KAZN: variants seen among roughly 807,000 people sequenced by gnomAD.
The protein encoded by KAZN is kazrin, periplakin interacting protein, also known as kazrin.
A neutral mutation model predicts 87.4 loss-of-function variants in KAZN; 40 were observed. The observed-to-expected ratio is 0.46, with a 90% CI of 0.36 to 0.60. The LOEUF (loss-of-function observed/expected upper bound fraction) is 0.60, where lower values mean the gene tolerates loss of function less well. KAZN is among the 20% of genes least tolerant of loss of function. KAZN has a pLI of 0.00. For missense variants in KAZN, 898 were observed against 1,073.9 expected, an observed-to-expected ratio of 0.84 and a Z score of 2.29; for synonymous variants, 466 against 458.3, an observed-to-expected ratio of 1.02 and a Z score of -0.22.
chr1:14,713,405 T>G (rs1026709306), intron 1 of KAZN, among the ~76,000 whole-genome samples: 2 of 152,168 alleles, frequency 1.3e-5, no homozygotes, highest in African/African-American at 4.8e-5. Flanking sequence ...ATCATTTCAG[T>G]GCTGATCACT....
intron 2 of KAZN, among the ~76,000 whole-genome samples, chr1:14,971,681 C>CTTTTTTT (rs1009399616): frequency 9.7e-4 from 102 of 104,800 alleles, no homozygotes; most frequent in Non-Finnish European, 1.4e-3. Flanking sequence ...TTTTCTTTTT[C>CTTTTTTT]TTTTTTTTTT....
At chr1:14,814,623 C>G (rs540247192) in intron 1 of KAZN, among the ~76,000 whole-genome samples, 1 of 152,324 alleles carries the variant, frequency 6.6e-6, no homozygotes, top group African/African-American at 2.4e-5. Context: ...TTTGAAAACC[C>G]AGCAAGGGCT....
chr1:13,896,293 G>A (rs978284093), intron 1 of KAZN, among the ~76,000 whole-genome samples: 1 of 151,824 alleles, frequency 6.6e-6, no homozygotes, highest in Non-Finnish European at 1.5e-5. Context: ...GCATGGCTGT[G>A]TGCCAATAGA....
At chr1:14,289,973 ATTCTT>A (rs1388422185) in intron 2 of KAZN, among the ~76,000 whole-genome samples, 6 of 152,192 alleles carry the variant, frequency 3.9e-5, no homozygotes, top group African/African-American at 9.7e-5. Flanking sequence ...TGGATTGAAA[ATTCTT>A]TTCTTTAAGA....
At chr1:14,477,749 C>T (rs1397649600) in intron 2 of KAZN, among the ~76,000 whole-genome samples, 1 of 152,118 alleles carries the variant, frequency 6.6e-6, no homozygotes, top group Non-Finnish European at 1.5e-5. Flanking sequence ...ACCTGGCTTC[C>T]TGAGCAAACC....
chr1:14,952,091 A>G (rs949742605), intron 1 of KAZN, among the ~76,000 whole-genome samples: 22 of 152,282 alleles, frequency 1.4e-4, no homozygotes, highest in African/African-American at 5.3e-4. Context: ...CATGGCATCC[A>G]CCTGCTCAGG....
rs1672510003 is a variant in KAZN at position 14,536,443 on chromosome 1, T to C, written c.250-62540T>C. ...TGAGAAGAGACTAATAGTTGTCAGA[T>C]GTGTATGCCTTCCAGCAAGGTTCCA... On this transcript the variant is annotated intron_variant, in intron 2 of 16. Coordinates refer to the KAZN transcript ENST00000636203. Among the ~76,000 whole-genome samples the C allele has an allele frequency of 2.0e-5, 3 of 152,166 alleles. No homozygotes were observed. In the South Asian group the frequency reaches 6.2e-4, roughly 32 times the overall value.
At chr1:14,587,493 G>A (rs962311048) in intron 2 of KAZN, among the ~76,000 whole-genome samples, 5 of 151,648 alleles carry the variant, frequency 3.3e-5, no homozygotes, top group African/African-American at 4.8e-5. Context: ...TTTGCAGGCT[G>A]TACAGGAAGT....
At chr1:14,727,791 G>C (rs60306754) in intron 1 of KAZN, among the ~76,000 whole-genome samples, 1 of 151,644 alleles carries the variant, frequency 6.6e-6, no homozygotes, top group African/African-American at 2.4e-5. Context: ...TCATTGCATC[G>C]TAATATGTAA....
At chr1:13,981,016 C>A (rs1638637775) in intron 1 of KAZN, among the ~76,000 whole-genome samples, 1 of 141,912 alleles carries the variant, frequency 7.0e-6, no homozygotes, top group Admixed American at 7.4e-5. Context: ...TCAGCTCATG[C>A]ATTTTTGACA....
intron 2 of KAZN, among the ~76,000 whole-genome samples, chr1:14,308,795 G>A (rs777880158): frequency 3.9e-4 from 35 of 90,410 alleles, no homozygotes; most frequent in South Asian, 1.5e-3. Context: ...ATCAGTATGG[G>A]TGAAGGTCAG....
rs70997153 is a variant in KAZN at position 14,514,509 on chromosome 1, A to AAATATATT, written c.250-84474_250-84473insAATATATT. 4.6e-3 allele frequency among the ~76,000 whole-genome samples: 82 copies of AAATATATT among 17,718 alleles called. 4 individuals are homozygous for AAATATATT. Among genetic ancestry groups the AAATATATT allele is most frequent in the East Asian group, 7.1e-3 (4 of 560 alleles). 11.6% of individuals were successfully genotyped at this position (17,718 alleles called of 152,430 possible). On this transcript the variant is annotated intron_variant, in intron 2 of 16. Coordinates refer to the KAZN transcript ENST00000636203. ...AATATTTATATATGTAAAATATATA[A>AAATATATT]TATATGAAATATATATTTTAGATAT... is the stretch of plus-strand genomic sequence containing the variant.
chr1:15,007,839 T>G (rs1669187002), intron 2 of KAZN, among the ~76,000 whole-genome samples: 1 of 152,190 alleles, frequency 6.6e-6, no homozygotes, highest in Non-Finnish European at 1.5e-5. Flanking sequence ...TTGATTTGCA[T>G]AAGGAGTTTT....
chr1:15,052,510 G>A (rs150727144), intron 4 of KAZN, among the ~76,000 whole-genome samples: 2,088 of 151,986 alleles, frequency 0.014, 26 homozygotes, highest in Non-Finnish European at 0.022. Flanking sequence ...ATTTGGATGG[G>A]GACACAGCCA....
At chr1:14,191,657 A>C (rs1646421983) in intron 2 of KAZN, among the ~76,000 whole-genome samples, 3 of 152,146 alleles carry the variant, frequency 2.0e-5, no homozygotes, top group Admixed American at 6.5e-5. Flanking sequence ...GACATCAGCA[A>C]ACCCTCTAAT....
intron 1 of KAZN, among the ~76,000 whole-genome samples, chr1:14,676,601 G>A (rs1001710536): frequency 2.6e-5 from 4 of 152,210 alleles, no homozygotes; most frequent in African/African-American, 4.8e-5. Flanking sequence ...CCATACAACG[G>A]AGTATTATCC....
intron 1 of KAZN, among the ~76,000 whole-genome samples, chr1:14,649,464 C>T (rs574204647): frequency 5.3e-5 from 8 of 152,068 alleles, no homozygotes; most frequent in African/African-American, 1.7e-4. Context: ...AAATGGCTAA[C>T]GGTTCACGTT....
rs1641898444 is a variant in KAZN, at chr1:15,117,937, G to C, written c.*3302G>C. 6.6e-6 allele frequency: 1 copy of C among 152,240 alleles called. No individual in the cohort carries two copies. The highest frequency in any genetic ancestry group is 1.9e-4 in the East Asian group (1 of 5,200). 9.4% of individuals were successfully genotyped at this position (152,240 alleles called of 1,614,324 possible). A position where few individuals can be genotyped will look rare whatever the true frequency, so the allele number is the denominator to read the frequency against. On this transcript the variant is annotated 3_prime_UTR_variant, in exon 15 of 15. Coordinates refer to ENST00000376030, the MANE Select transcript of KAZN (RefSeq NM_201628.3). ...ACAAAGGCATTTTGTGGCTGCAGAG[G>C]AAATGGGTTGGCTCTGAACAAAGAT... is the stretch of plus-strand genomic sequence containing the variant.
In KAZN at chr1:14,614,576, G is replaced by A. The variant is rs563117273; in HGVS notation, c.226+15353G>A. 2.0e-3 allele frequency among the ~76,000 whole-genome samples: 310 copies of A among 152,346 alleles called. 3 individuals carry two copies. The highest frequency in any genetic ancestry group is 6.8e-3 in the African/African-American group (283 of 41,578). On this transcript the variant is annotated intron_variant, in intron 1 of 14. Coordinates refer to ENST00000376030, the MANE Select transcript of KAZN (RefSeq NM_201628.3). ...GGCCTGCTGGCAAAGCACCTCCCGC[G>A]CTGGGTTTAGATGTTCAGGAGAAAA...
Sources: gnomAD v4.1 joint callset for allele counts (sites outside exome capture counted in the v4.1 genomes callset) on GRCh38, gnomAD v4.1.1 for gene constraint, MANE v1.5 for transcripts, NCBI Gene and HGNC (gene_info 2026-07-23, HGNC 2026-07-21) for gene names.